Variants in BABAM2 observed in about 807,000 individuals in gnomAD.
BABAM2 encodes BRISC and BRCA1-A complex member 2.
BABAM2 carries 31 observed loss-of-function variants against 54.7 expected under a neutral mutation model. The ratio of observed to expected loss-of-function variants is 0.57; its 90% confidence interval spans 0.43 to 0.77. The LOEUF (loss-of-function observed/expected upper bound fraction) is 0.77. BABAM2 is among the 30% of genes least tolerant of loss of function. The probability of loss-of-function intolerance (pLI) is 0.00; values close to 1 mark genes in which losing one functional copy is unlikely to be tolerated. For synonymous variants in BABAM2, 167 were observed against 162.9 expected (o/e 1.03, Z -0.19); for missense variants, 364 against 455.8 (o/e 0.80, Z 1.83).
intron 3 of BABAM2, among the ~76,000 whole-genome samples, chr2:27,954,585 T>C (rs1214293967): frequency 1.3e-5 from 2 of 152,204 alleles, no homozygotes; most frequent in Non-Finnish European, 2.9e-5. Flanking sequence ...AATGAGTAAC[T>C]TGGCAGCAGT....
At chr2:28,062,359 T>TA (rs781439739) in intron 6 of BABAM2, among the ~76,000 whole-genome samples, 37 of 151,306 alleles carry the variant, frequency 2.4e-4, no homozygotes, top group Non-Finnish European at 4.1e-4. Flanking sequence ...GGTCAGGAGA[T>TA]AGAGACCATC....
chr2:28,112,064 T>C (rs900351129), intron 6 of BABAM2, among the ~76,000 whole-genome samples: 1 of 152,106 alleles, frequency 6.6e-6, no homozygotes, highest in South Asian at 2.1e-4. Context: ...GTTCATACTT[T>C]TTCTTGAGAT....
intron 3 of BABAM2, 168 bp downstream of exon 3, chr2:27,930,076 A>G (rs533926125): frequency 1.6e-6 from 1 of 613,350 alleles, no homozygotes; most frequent in African/African-American, 1.9e-5. Flanking sequence ...GATTAAAAGT[A>G]AGGCAGTTGG....
chr2:28,170,338 C>T (rs1674187902), intron 7 of BABAM2, among the ~76,000 whole-genome samples: 1 of 151,878 alleles, frequency 6.6e-6, no homozygotes, highest in African/African-American at 2.4e-5. Flanking sequence ...TAATTTTTCT[C>T]TTTGCTTTGT....
At position 27,932,519 on chromosome 2, in the gene BABAM2, G is replaced by A. The variant is rs1558597585; in HGVS notation, c.205+2611G>A. Among the ~76,000 whole-genome samples, 6 of 152,278 alleles carry A rather than the reference G, an allele frequency of 3.9e-5. No individual in the cohort carries two copies. The South Asian group carries it at 1.2e-3, about 32-fold the overall frequency. ...CAATAAAATAGTGATTGGGACTTCT[G>A]AGTAGGTGAGCAAGGCTTATGGAAT... On this transcript the variant is annotated intron_variant, in intron 3 of 11. Transcript: ENST00000379624.
At chr2:28,034,909 T>C (rs751785605) in intron 5 of BABAM2, among the ~76,000 whole-genome samples, 16 of 152,132 alleles carry the variant, frequency 1.1e-4, no homozygotes, top group Admixed American at 6.5e-5. Context: ...AGTGTTTACC[T>C]TAATGTCGGG....
intron 6 of BABAM2, among the ~76,000 whole-genome samples, chr2:28,102,138 T>A (rs1667136391): frequency 1.3e-5 from 2 of 152,242 alleles, no homozygotes; most frequent in Admixed American, 1.3e-4. Flanking sequence ...TCTAGCTTGT[T>A]CACCAGTTGT....
At chr2:27,975,787 T>C (rs1250685582) in intron 3 of BABAM2, among the ~76,000 whole-genome samples, 1 of 152,070 alleles carries the variant, frequency 6.6e-6, no homozygotes, top group Non-Finnish European at 1.5e-5. Context: ...AGAGAAAATA[T>C]TTGCAAATCA....
At chr2:28,284,099 G>T (rs1157065610) in intron 10 of BABAM2, among the ~76,000 whole-genome samples, 1 of 152,166 alleles carries the variant, frequency 6.6e-6, no homozygotes, top group African/African-American at 2.4e-5. Flanking sequence ...CCTTATGTTT[G>T]CACAGTTTAT....
intron 3 of BABAM2, among the ~76,000 whole-genome samples, chr2:27,979,505 T>C (rs962180024): frequency 6.6e-6 from 1 of 152,154 alleles, no homozygotes; most frequent in Non-Finnish European, 1.5e-5. Context: ...GGTTGAATGG[T>C]AGCTCTATTT....
At chr2:28,109,594 T>C (rs1667826528) in intron 6 of BABAM2, among the ~76,000 whole-genome samples, 1 of 152,168 alleles carries the variant, frequency 6.6e-6, no homozygotes, top group African/African-American at 2.4e-5. Flanking sequence ...ATTTTCTGAT[T>C]TTCTTTACTC....
intron 3 of BABAM2, among the ~76,000 whole-genome samples, chr2:27,945,348 T>C (rs1477219422): frequency 2.0e-5 from 3 of 152,088 alleles, no homozygotes; most frequent in Non-Finnish European, 4.4e-5. Context: ...CTTTTGATCA[T>C]ATATTTGTTA....
rs181944141 is a variant in BABAM2 at position 28,189,179 on chromosome 2, G to A, written c.681-48023G>A. Among the ~76,000 whole-genome samples the A allele has an allele frequency of 2.7e-5, 4 of 149,504 alleles. No homozygotes were observed. In the East Asian group the frequency reaches 5.9e-4, roughly 22 times the overall value. ...TTGTCCCACTGCACTCCAGTCTGGC[G>A]ACAGAGTGAGACTCCCTCTCAAAAA... On this transcript the variant is annotated intron_variant, in intron 7 of 11. Transcript: ENST00000379624.
chr2:28,276,390 T>A (rs772715625), intron 10 of BABAM2, among the ~76,000 whole-genome samples: 1 of 152,164 alleles, frequency 6.6e-6, no homozygotes, highest in Non-Finnish European at 1.5e-5. Flanking sequence ...TAGAATTCAA[T>A]TCTGATACAC....
At chr2:28,305,209 A>G (rs1688422031) in intron 11 of BABAM2, among the ~76,000 whole-genome samples, 1 of 152,138 alleles carries the variant, frequency 6.6e-6, no homozygotes, top group Admixed American at 6.5e-5. Context: ...TTGTATTACT[A>G]CTTTGCTAAG....
At chr2:28,036,280 C>T (rs1056985974) in intron 5 of BABAM2, among the ~76,000 whole-genome samples, 11 of 152,086 alleles carry the variant, frequency 7.2e-5, no homozygotes, top group African/African-American at 2.2e-4. Flanking sequence ...GTATTCTGTA[C>T]GAAAACTCTT....
chr2:28,216,449 C>T (rs1021760104), intron 7 of BABAM2, among the ~76,000 whole-genome samples: 3 of 152,172 alleles, frequency 2.0e-5, no homozygotes, highest in African/African-American at 7.2e-5. Context: ...AGAACCAAAC[C>T]AGCCTGTAAT....
intron 10 of BABAM2, among the ~76,000 whole-genome samples, chr2:28,280,657 CCG>C (rs1686275737): frequency 6.6e-6 from 1 of 152,204 alleles, no homozygotes; most frequent in African/African-American, 2.4e-5. Flanking sequence ...TCCTCCTGAT[CCG>C]TGCTGGTGCC....
intron 7 of BABAM2, among the ~76,000 whole-genome samples, chr2:28,189,199 CAAA>C (rs78120565): frequency 1.3e-4 from 18 of 136,458 alleles, no homozygotes; most frequent in Admixed American, 2.3e-4. Flanking sequence ...GACTCCCTCT[CAAA>C]AAAAAAAAAA....
Sources: gnomAD v4.1 joint callset for allele counts (sites outside exome capture counted in the v4.1 genomes callset) on GRCh38, gnomAD v4.1.1 for gene constraint, MANE v1.5 for transcripts, NCBI Gene and HGNC (gene_info 2026-07-23, HGNC 2026-07-21) for gene names.